LOC128092252: variants seen among roughly 807,000 people sequenced by gnomAD.
chr15:50,648,926 T>TA, the LOC128092252 span: 1 of 1,502,446 alleles, frequency 6.7e-7, no homozygotes, highest in South Asian at 1.3e-5. Context: ...TTCAAAAAAT[T>TA]AGAGTTAATG....
the LOC128092252 span, among the ~76,000 whole-genome samples, chr15:50,676,590 A>G: frequency 1.3e-5 from 2 of 151,992 alleles, no homozygotes; most frequent in Non-Finnish European, 2.9e-5. Flanking sequence ...AAGATAAAAA[A>G]GACTTGAGGA....
chr15:50,648,867 C>G, the LOC128092252 span: 5 of 1,607,036 alleles, frequency 3.1e-6, no homozygotes, highest in South Asian at 1.1e-5. Flanking sequence ...GTTGCTTGAC[C>G]AAGCGACCAC....
the LOC128092252 span, among the ~76,000 whole-genome samples, chr15:50,660,402 A>C: frequency 5.9e-5 from 9 of 152,208 alleles, no homozygotes; most frequent in African/African-American, 1.9e-4. Flanking sequence ...AGGCACGGTG[A>C]CTCACTTTGG....
the LOC128092252 span, among the ~76,000 whole-genome samples, chr15:50,649,486 A>C: frequency 6.6e-6 from 1 of 152,112 alleles, no homozygotes. Context: ...TCCAATAATA[A>C]AGAGAAGTGA....
chr15:50,685,848 T>C, the LOC128092252 span, among the ~76,000 whole-genome samples: 1 of 152,156 alleles, frequency 6.6e-6, no homozygotes, highest in African/African-American at 2.4e-5. Context: ...AGGGATGCGG[T>C]AGTTCGACTT....
At chr15:50,674,923 G>T in the LOC128092252 span, among the ~76,000 whole-genome samples, 1 of 152,124 alleles carries the variant, frequency 6.6e-6, no homozygotes, top group East Asian at 1.9e-4. Flanking sequence ...TTTCTCATTG[G>T]CAAATCCACC....
At chr15:50,680,566 T>A in the LOC128092252 span, among the ~76,000 whole-genome samples, 1 of 147,036 alleles carries the variant, frequency 6.8e-6, no homozygotes, top group East Asian at 2.0e-4. Context: ...GAGACACTTG[T>A]CTCAAAAAAA....
chr15:50,686,555 G>T, the LOC128092252 span: 1 of 1,609,686 alleles, frequency 6.2e-7, no homozygotes, highest in Non-Finnish European at 8.5e-7. Context: ...GGCGGACTCC[G>T]GAAGGGCAGC....
the LOC128092252 span, among the ~76,000 whole-genome samples, chr15:50,682,680 A>G: frequency 6.6e-6 from 1 of 152,188 alleles, no homozygotes; most frequent in East Asian, 1.9e-4. Flanking sequence ...ATTAGAACTA[A>G]TCATATTTGT....
chr15:50,665,365 G>A, the LOC128092252 span, among the ~76,000 whole-genome samples: 2 of 149,922 alleles, frequency 1.3e-5, no homozygotes, highest in Non-Finnish European at 2.9e-5. Flanking sequence ...CTGCACTCCA[G>A]CCTGGGTGAA....
At chr15:50,650,982 A>G in the LOC128092252 span, among the ~76,000 whole-genome samples, 2 of 152,136 alleles carry the variant, frequency 1.3e-5, no homozygotes, top group Admixed American at 6.5e-5. Context: ...TGAGCCCAGG[A>G]GTTTAGACCA....
chr15:50,672,122 T>A, the LOC128092252 span, among the ~76,000 whole-genome samples: 1 of 152,168 alleles, frequency 6.6e-6, no homozygotes, highest in Non-Finnish European at 1.5e-5. Context: ...TGGCATGATC[T>A]TGGCTCACTG....
chr15:50,669,800 G>T, the LOC128092252 span, among the ~76,000 whole-genome samples: 2 of 152,162 alleles, frequency 1.3e-5, no homozygotes, highest in East Asian at 3.9e-4. Flanking sequence ...AAAAGGGATG[G>T]CTAATGTAAA....
the LOC128092252 span, chr15:50,657,905 A>G: frequency 4.0e-6 from 4 of 1,009,754 alleles, no homozygotes; most frequent in African/African-American, 1.7e-5. Context: ...AATACAAAAC[A>G]AAAAAAATTA....
the LOC128092252 span, among the ~76,000 whole-genome samples, chr15:50,679,529 TATATATA>T: frequency 1.9e-4 from 10 of 51,724 alleles, no homozygotes; most frequent in Middle Eastern, 7.4e-3. Context: ...TATATATATA[TATATATA>T]TATTTTTTTT....
chr15:50,671,524 C>T, the LOC128092252 span, among the ~76,000 whole-genome samples: 3 of 152,120 alleles, frequency 2.0e-5, no homozygotes, highest in African/African-American at 7.2e-5. Context: ...CTATTGCAGG[C>T]TGGGTGCAAT....
the LOC128092252 span, among the ~76,000 whole-genome samples, chr15:50,651,561 C>T: frequency 6.6e-6 from 1 of 152,080 alleles, no homozygotes; most frequent in Non-Finnish European, 1.5e-5. Context: ...CTTTGGGAGG[C>T]CGAGGCAGGT....
chr15:50,655,314 TC>T, the LOC128092252 span, among the ~76,000 whole-genome samples: 2 of 151,082 alleles, frequency 1.3e-5, no homozygotes, highest in Non-Finnish European at 2.9e-5. Flanking sequence ...GCGTCTGTAA[TC>T]CCAGCTACTC....
the LOC128092252 span, among the ~76,000 whole-genome samples, chr15:50,683,877 CT>C: frequency 1.3e-5 from 2 of 148,922 alleles, no homozygotes; most frequent in African/African-American, 2.5e-5. Flanking sequence ...CTGATCAAGT[CT>C]TTTTTTTTTG....
Sources: gnomAD v4.1 joint callset for allele counts (sites outside exome capture counted in the v4.1 genomes callset) on GRCh38, gnomAD v4.1.1 for gene constraint, MANE v1.5 for transcripts.